The following PAFAH1B1 variants were observed in gnomAD, a reference collection of about 807,000 sequenced individuals.
PAFAH1B1 encodes platelet-activating factor acetylhydrolase IB subunit beta.
A neutral mutation model predicts 57.5 loss-of-function variants in PAFAH1B1; 2 were observed. The observed-to-expected ratio is 0.03, with a 90% CI of 0.01 to 0.11. The LOEUF (loss-of-function observed/expected upper bound fraction) is 0.11. PAFAH1B1 is among the 10% of genes least tolerant of loss of function. The pLI is 1.00. For missense variants in PAFAH1B1, 257 were observed against 512.0 expected (o/e 0.50, Z 4.81); for synonymous variants, 152 against 169.6 (o/e 0.90, Z 0.81).
intron 7 of PAFAH1B1, 26 bp from the exon 8 acceptor site, chr17:2,674,034 G>T (rs2069225551): frequency 4.7e-6 from 7 of 1,490,188 alleles, no homozygotes; most frequent in African/African-American, 1.4e-5. Flanking sequence ...GTCATTCACA[G>T]TGTAAGTTAT....
At chr17:2,599,970 CCTT>C (rs1281840140) in intron 1 of PAFAH1B1, among the ~76,000 whole-genome samples, 1 of 133,560 alleles carries the variant, frequency 7.5e-6, no homozygotes, top group East Asian at 2.1e-4. Flanking sequence ...CCATTTTTAA[CCTT>C]TTTTTTTTTT....
In PAFAH1B1 at chr17:2,593,717, G is replaced by T. The variant is rs1481447491; in HGVS notation, c.-480G>T. On this transcript the variant is annotated 5_prime_UTR_variant, in exon 1 of 11. Transcript: ENST00000397195. ...CGGCCGGGAGAGCGAGTGAGCGAGCGGAGGAGCAGCGACACGGGAGTCTAG... is the reference window on the plus strand; with the variant it reads ...CGGCCGGGAGAGCGAGTGAGCGAGCTGAGGAGCAGCGACACGGGAGTCTAG... 7 of 333,238 alleles carry T rather than the reference G, an allele frequency of 2.1e-5. No homozygotes were observed. The South Asian group carries it at 7.8e-4, about 37-fold the overall frequency. 20.6% of individuals were successfully genotyped at this position (333,238 alleles called of 1,614,324 possible).
chr17:2,643,355 G>C (rs1810839282), intron 2 of PAFAH1B1, among the ~76,000 whole-genome samples: 1 of 152,122 alleles, frequency 6.6e-6, no homozygotes, highest in Non-Finnish European at 1.5e-5. Flanking sequence ...CTGGGCTCAA[G>C]CTATTCTCCT....
Position 2,683,839 on chromosome 17 carries a change from T to C in PAFAH1B1, c.*2037T>C, listed in dbSNP as rs1012545592. ...ATTTTCTGTCCTATTTTGAGAAATATAAATACATAGAAATGGTGCATCTTA... is the reference window on the plus strand; with the variant it reads ...ATTTTCTGTCCTATTTTGAGAAATACAAATACATAGAAATGGTGCATCTTA... On this transcript the variant is annotated 3_prime_UTR_variant, in exon 11 of 11. Coordinates refer to ENST00000397195, the MANE Select transcript of PAFAH1B1 (RefSeq NM_000430.4). The C allele has an allele frequency of 2.0e-5, 3 of 152,666 alleles. No individual in the cohort carries two copies. Among genetic ancestry groups the C allele is most frequent in the Admixed American group, 6.5e-5 (1 of 15,280 alleles). The allele number at this position is 152,666 out of a possible 1,614,324, so 9.5% of individuals were successfully genotyped here.
chr17:2,664,272 C>T (rs986208535), intron 2 of PAFAH1B1, among the ~76,000 whole-genome samples: 1 of 152,042 alleles, frequency 6.6e-6, no homozygotes. Flanking sequence ...GACGTAGTTT[C>T]GCTGTTGTTG....
rs1038960970 is a variant in PAFAH1B1, at chr17:2,670,619, G to C, written c.568+288G>C. On this transcript the variant is annotated intron_variant, in intron 6 of 10. Transcript: ENST00000397195. The stretch of plus-strand genomic sequence containing the variant: ...CTGTATTTGAGTTAAAAATGGTTTT[G>C]TTTGTGTTTTAATTTTTGTTAGTTG... Among the ~76,000 whole-genome samples the C allele has an allele frequency of 3.3e-5, 5 of 152,164 alleles. 1 individual carries two copies. In the South Asian group the frequency reaches 1.0e-3, roughly 31 times the overall value.
At chr17:2,615,684 CT>C (rs1205206952) in intron 1 of PAFAH1B1, among the ~76,000 whole-genome samples, 2 of 152,124 alleles carry the variant, frequency 1.3e-5, no homozygotes, top group African/African-American at 4.8e-5. Flanking sequence ...CATGATCCCC[CT>C]GCCTTGGCCT....
chr17:2,664,305 C>T (rs574376439), intron 2 of PAFAH1B1, among the ~76,000 whole-genome samples: 2 of 152,112 alleles, frequency 1.3e-5, no homozygotes, highest in East Asian at 1.9e-4. Flanking sequence ...TGCAGTGGCA[C>T]GAACTGGGCT....
chr17:2,655,965 C>G (rs1454762007), intron 2 of PAFAH1B1, among the ~76,000 whole-genome samples: 1 of 152,040 alleles, frequency 6.6e-6, no homozygotes, highest in Admixed American at 6.6e-5. Context: ...CATCTGTCAC[C>G]CAGGCTGGAG....
At chr17:2,669,598 T>A (rs752611510) in intron 5 of PAFAH1B1, among the ~76,000 whole-genome samples, 2 of 152,236 alleles carry the variant, frequency 1.3e-5, no homozygotes, top group African/African-American at 4.8e-5. Flanking sequence ...ATGCTCTTGT[T>A]CATTTGCTAT....
At chr17:2,610,710 G>A (rs946169010) in intron 1 of PAFAH1B1, among the ~76,000 whole-genome samples, 11 of 152,212 alleles carry the variant, frequency 7.2e-5, no homozygotes, top group East Asian at 5.8e-4. Context: ...GTCCTGGGCC[G>A]TGGGTAGCAC....
In PAFAH1B1 at chr17:2,617,635, AGGCCAGG is replaced by A. The variant is rs1681947890; in HGVS notation, c.-190-20463_-190-20457del. Among the ~76,000 whole-genome samples the A allele has an allele frequency of 3.3e-5, 5 of 152,294 alleles. 1 individual carries two copies. The South Asian group carries it at 1.0e-3, about 32-fold the overall frequency. ...AGACGTGTTAAAGTCTCAGTGTTTGAGGCCAGGCATGGTGGCTCACGCCTGTAATCCC... is the reference window on the plus strand; with the variant it reads ...AGACGTGTTAAAGTCTCAGTGTTTGACATGGTGGCTCACGCCTGTAATCCC... On this transcript the variant is annotated intron_variant, in intron 1 of 10. Transcript: ENST00000397195.
intron 9 of PAFAH1B1, among the ~76,000 whole-genome samples, chr17:2,679,506 ATGGATGGATGGATGGATGAT>A (rs1480322053): frequency 0.028 from 3,810 of 136,508 alleles, 119 homozygotes; most frequent in African/African-American, 0.073. Flanking sequence ...GGATGATTGG[ATGGATGGATGGATGGATGAT>A]TGGATGGATG....
intron 2 of PAFAH1B1, among the ~76,000 whole-genome samples, chr17:2,663,325 A>G (rs1341611784): frequency 6.6e-6 from 1 of 152,174 alleles, no homozygotes; most frequent in African/African-American, 2.4e-5. Flanking sequence ...TGAGATTAGT[A>G]GCAAGCCCCA....
intron 1 of PAFAH1B1, among the ~76,000 whole-genome samples, chr17:2,612,379 A>T (rs867264406): frequency 6.1e-4 from 92 of 149,644 alleles, no homozygotes; most frequent in African/African-American, 2.2e-3. Flanking sequence ...AATTTTTTGT[A>T]TTTTTTTTAG....
intron 1 of PAFAH1B1, among the ~76,000 whole-genome samples, chr17:2,606,626 G>A (rs938581096): frequency 6.6e-6 from 1 of 152,148 alleles, no homozygotes; most frequent in East Asian, 1.9e-4. Flanking sequence ...AAAATGCTGG[G>A]ATTACAGGTG....
chr17:2,629,953 T>G (rs2068535119), intron 1 of PAFAH1B1, among the ~76,000 whole-genome samples: 1 of 152,168 alleles, frequency 6.6e-6, no homozygotes, highest in Non-Finnish European at 1.5e-5. Flanking sequence ...TTCCACCCCT[T>G]TACTTTAAAT....
At chr17:2,619,536 G>GT (rs774865216) in intron 1 of PAFAH1B1, among the ~76,000 whole-genome samples, 634 of 45,938 alleles carry the variant, frequency 0.014, 8 homozygotes, top group Middle Eastern at 0.028. Context: ...GCCCTTACCT[G>GT]TTTTTTTTTT....
intron 2 of PAFAH1B1, among the ~76,000 whole-genome samples, chr17:2,659,872 T>G (rs1398432707): frequency 6.6e-6 from 1 of 152,164 alleles, no homozygotes; most frequent in Non-Finnish European, 1.5e-5. Flanking sequence ...TGTTTGAGAC[T>G]TGATTGATAT....
Sources: gnomAD v4.1 joint callset for allele counts (sites outside exome capture counted in the v4.1 genomes callset) on GRCh38, gnomAD v4.1.1 for gene constraint, MANE v1.5 for transcripts, NCBI Gene and HGNC (gene_info 2026-07-23, HGNC 2026-07-21) for gene names.